Variants in PHF11 observed in about 807,000 individuals in gnomAD.
The protein encoded by PHF11 is PHD finger protein 11, also known as BRCA1 C-terminus-associated protein.
A neutral mutation model predicts 40.5 loss-of-function variants in PHF11; 38 were observed. The ratio of observed to expected loss-of-function variants is 0.94; its 90% CI spans 0.72 to 1.23. PHF11 has a LOEUF of 1.23. PHF11 is among the 50% of genes most tolerant of loss of function. The probability of loss-of-function intolerance (pLI) is 0.00; values close to 1 mark genes in which losing one functional copy is unlikely to be tolerated. For synonymous variants in PHF11, 127 were observed against 138.2 expected, an observed-to-expected ratio of 0.92 and a Z score of 0.57; for missense variants, 369 against 392.4, an observed-to-expected ratio of 0.94 and a Z score of 0.50.
chr13:49,521,933 T>C (rs747474055), intron 5 of PHF11, 110 bp from the exon 6 acceptor site: 6 of 551,676 alleles, frequency 1.1e-5, no homozygotes, highest in Non-Finnish European at 2.0e-5. Context: ...AAGTTTGCCA[T>C]ATCTTTTGAC....
chr13:49,496,028 C>A lies in PHF11; in HGVS notation c.27C>A (p.Pro9=). Residue 9 remains proline, a synonymous_variant, in exon 1 of 10, where the codon CCC becomes CCA. Coordinates refer to ENST00000378319, the MANE Select transcript of PHF11 (RefSeq NM_001040443.3). MAQASPPR[P]ERVLGASSPE... ...TGGCCCAGGCGTCGCCGCCCCGGCC[C>A]GAGAGGGTGCTCGGCGCCAGCAGCC... The A allele has an allele frequency of 6.9e-7, 1 of 1,457,762 alleles. No individual in the cohort carries two copies. Among genetic ancestry groups the A allele is most frequent in the Non-Finnish European group, 9.0e-7 (1 of 1,109,204 alleles). The allele number at this position is 1,457,762 out of a possible 1,614,324, so 90.3% of individuals were successfully genotyped here. A position where few individuals can be genotyped will look rare whatever the true frequency, so the allele number is the denominator to read the frequency against.
chr13:49,499,004 C>G (rs1254661084), intron 1 of PHF11, among the ~76,000 whole-genome samples: 1 of 152,222 alleles, frequency 6.6e-6, no homozygotes, highest in African/African-American at 2.4e-5. Flanking sequence ...ACCCCCAGAG[C>G]ATGGATACTT....
chr13:49,508,302 TA>T (rs1005845019), intron 2 of PHF11, among the ~76,000 whole-genome samples: 3 of 147,280 alleles, frequency 2.0e-5, no homozygotes, highest in Non-Finnish European at 3.0e-5. Context: ...TAAATATAAA[TA>T]ATATGCATTT....
chr13:49,522,088 T>A lies in PHF11; in HGVS notation c.551T>A (p.Leu184His), dbSNP rs141464329. 11 of 1,555,710 alleles carry A rather than the reference T, an allele frequency of 7.1e-6. No homozygotes were observed. In the African/African-American group the frequency reaches 1.5e-4, roughly 21 times the overall value. Residue 184 changes from leucine to histidine, a missense_variant, in exon 6 of 10, where the codon CTC (leucine) becomes CAC (histidine). By Grantham distance (99) the Leu-to-His change is moderately conservative (BLOSUM62 -3). Transcript: ENST00000378319. ...VKRKRGRKKP[L>H]SGNHVQPPET... is the part of the protein sequence containing the mutation. ...AGAAAAAGAGGAAGGAAGAAACCCC[T>A]CTCAGGCAATCATGTACAGGTAATT...
intron 1 of PHF11, among the ~76,000 whole-genome samples, chr13:49,496,822 G>C (rs1445620894): frequency 7.2e-6 from 1 of 138,574 alleles, no homozygotes; most frequent in African/African-American, 2.7e-5. Context: ...AGGATGGCTG[G>C]GCTTACCCTT....
chr13:49,501,908 C>T lies in PHF11; in HGVS notation c.95-4727C>T, dbSNP rs1469839947. Among the ~76,000 whole-genome samples, 10 of 152,220 alleles carry T rather than the reference C, an allele frequency of 6.6e-5. No individual in the cohort carries two copies. The East Asian group carries it at 2.0e-3, about 30-fold the overall frequency. On this transcript the variant is annotated intron_variant, in intron 1 of 9. Coordinates refer to ENST00000378319, the MANE Select transcript of PHF11 (RefSeq NM_001040443.3). ...GTTTCACCATGTTGGTCAGGCTGGT[C>T]TCGAACTCCTGACCTCAGGTGATCC...
intron 7 of PHF11, chr13:49,523,832 C>A: frequency 3.7e-6 from 1 of 273,452 alleles, no homozygotes; most frequent in Middle Eastern, 1.1e-3. Context: ...AAAAAAGCCT[C>A]TTAATTCATA....
chr13:49,524,088 C>A lies in PHF11; in HGVS notation c.641C>A (p.Ala214Glu). 1 of 1,604,416 alleles carries A rather than the reference C, an allele frequency of 6.2e-7. No homozygotes were observed. Among genetic ancestry groups the A allele is most frequent in the Non-Finnish European group, 8.5e-7 (1 of 1,175,366 alleles). ...VKEEHGRHTD[A>E]TVKVPFLKKC... ...CAAATGTTTGTCTTATTCTTAGATG[C>A]AACTGTGAAAGTTCCTTTTCTTAAG... Residue 214 changes from alanine to glutamate, a missense_variant, in exon 8 of 10, where the codon GCA (alanine) becomes GAA (glutamate). Physicochemically the swap from Ala to Glu is moderately radical, Grantham distance 107. Transcript: ENST00000378319.
chr13:49,509,935 G>A (rs1027081242), intron 2 of PHF11, among the ~76,000 whole-genome samples: 3 of 152,074 alleles, frequency 2.0e-5, no homozygotes, highest in South Asian at 2.1e-4. Context: ...CAATATAAAC[G>A]TCAAAATCAG....
chr13:49,518,127 C>G lies in PHF11; in HGVS notation c.434C>G (p.Ser145Cys). ...AAGAAGGACGACGCAGTTCCACAGTCTGATGGAGTTCGAGGAATTTATAAG... is the reference window on the plus strand; with the variant it reads ...AAGAAGGACGACGCAGTTCCACAGTGTGATGGAGTTCGAGGAATTTATAAG... ...CAKKDDAVPQSDGVRGIYKLL... is the reference protein window; with the variant it reads ...CAKKDDAVPQCDGVRGIYKLL... The change falls in exon 4 of 10, where the codon TCT (serine) becomes TGT (cysteine). Residue 145 changes from serine (S) to cysteine (C), a missense_variant. Transcript: ENST00000378319. 2 of 1,603,778 alleles carry G rather than the reference C, an allele frequency of 1.2e-6. No individual in the cohort carries two copies. The highest frequency in any genetic ancestry group is 2.7e-5 in the African/African-American group (2 of 74,700).
intron 1 of PHF11, among the ~76,000 whole-genome samples, chr13:49,503,086 C>A (rs1354061987): frequency 6.6e-6 from 1 of 152,188 alleles, no homozygotes; most frequent in Non-Finnish European, 1.5e-5. Flanking sequence ...TCCTCCTTGG[C>A]AGCCTTTCAA....
At chr13:49,521,982 G>T (rs1385720543) in intron 5 of PHF11, 61 bp from the exon 6 acceptor site, 13 of 810,116 alleles carry the variant, frequency 1.6e-5, no homozygotes, top group Non-Finnish European at 2.5e-5. Flanking sequence ...TATATTTCAT[G>T]TAGTCAAACA....
chr13:49,528,706 A>T lies in PHF11; in HGVS notation c.*41A>T, dbSNP rs555500735. On this transcript the variant is annotated 3_prime_UTR_variant, in exon 10 of 10. Coordinates refer to ENST00000378319, the MANE Select transcript of PHF11 (RefSeq NM_001040443.3). ...AAGCCAAGAGTCATGTCAAATTGCA[A>T]TCAGGCTCAAAACCAGAGACCAGGC... The T allele has an allele frequency of 6.8e-7, 1 of 1,471,548 alleles. No individual in the cohort carries two copies. Among genetic ancestry groups the T allele is most frequent in the Admixed American group, 2.0e-5 (1 of 49,824 alleles). 91.2% of individuals were successfully genotyped at this position (1,471,548 alleles called of 1,614,324 possible).
intron 1 of PHF11, chr13:49,497,034 T>C: frequency 8.2e-7 from 1 of 1,221,638 alleles, no homozygotes. Flanking sequence ...TTTCTCCATG[T>C]TTCATGGGCT....
Position 49,511,319 on chromosome 13 carries a change from T to C in PHF11, c.217-1740T>C, listed in dbSNP as rs544082096. Among the ~76,000 whole-genome samples, 4 of 139,684 alleles carry C rather than the reference T, an allele frequency of 2.9e-5. No individual in the cohort carries two copies. In the East Asian group the frequency reaches 8.7e-4, roughly 31 times the overall value. 91.6% of individuals were successfully genotyped at this position (139,684 alleles called of 152,430 possible). A position where few individuals can be genotyped will look rare whatever the true frequency, so the allele number is the denominator to read the frequency against. On this transcript the variant is annotated intron_variant, in intron 2 of 9. Coordinates refer to ENST00000378319, the MANE Select transcript of PHF11 (RefSeq NM_001040443.3). ...TAGGCCTTTCATAATTTCAAAATTG[T>C]TCAATGGCTTTTTTTTTTTTTTTTG...
At chr13:49,506,316 G>A (rs1958988230) in intron 1 of PHF11, among the ~76,000 whole-genome samples, 1 of 151,952 alleles carries the variant, frequency 6.6e-6, no homozygotes, top group African/African-American at 2.4e-5. Context: ...TTGAGGTTGG[G>A]AGTTCAAGGC....
rs1491587127 is a variant in PHF11, at chr13:49,501,017, G to GTTTTTTTTTTTTTTTTTT, written c.94+4933_94+4934insTTTTTTTTTTTTTTTTTT. ...CAACTTTTGTTTTTTTTTTTTTTTGGTTTTTTTTTTTCTGAAATGGAGTTT... is the reference window on the plus strand; with the variant it reads ...CAACTTTTGTTTTTTTTTTTTTTTGGTTTTTTTTTTTTTTTTTTTTTTTTTTTTTCTGAAATGGAGTTT... On this transcript the variant is annotated intron_variant, in intron 1 of 9. Coordinates refer to ENST00000378319, the MANE Select transcript of PHF11 (RefSeq NM_001040443.3). Among the ~76,000 whole-genome samples the GTTTTTTTTTTTTTTTTTT allele has an allele frequency of 2.8e-5, 3 of 108,826 alleles. 1 individual carries two copies. Among genetic ancestry groups the GTTTTTTTTTTTTTTTTTT allele is most frequent in the Admixed American group, 2.1e-4 (2 of 9,672 alleles). 71.4% of individuals were successfully genotyped at this position (108,826 alleles called of 152,430 possible). A position where few individuals can be genotyped will look rare whatever the true frequency, so the allele number is the denominator to read the frequency against.
chr13:49,499,260 TGA>T (rs1247739215), intron 1 of PHF11, among the ~76,000 whole-genome samples: 2 of 152,224 alleles, frequency 1.3e-5, no homozygotes, highest in African/African-American at 4.8e-5. Flanking sequence ...TCTGTATATC[TGA>T]GAGATGAGCA....
chr13:49,499,343 C>T lies in PHF11; in HGVS notation c.94+3248C>T, dbSNP rs9596121. On this transcript the variant is annotated intron_variant, in intron 1 of 9. Transcript: ENST00000378319. Reference sequence around the variant, plus strand: ...CATGCCTGCTGGGGGTCATTGTGTACGCATCATTGTGAGCTGAACAGATAC... The same window carrying T: ...CATGCCTGCTGGGGGTCATTGTGTATGCATCATTGTGAGCTGAACAGATAC... 1.7e-3 allele frequency among the ~76,000 whole-genome samples: 262 copies of T among 152,274 alleles called. 2 individuals are homozygous for T. Among genetic ancestry groups the T allele is most frequent in the African/African-American group, 6.0e-3 (250 of 41,550 alleles).
Sources: gnomAD v4.1 joint callset for allele counts (sites outside exome capture counted in the v4.1 genomes callset) on GRCh38, gnomAD v4.1.1 for gene constraint, MANE v1.5 for transcripts, NCBI Gene and HGNC (gene_info 2026-07-23, HGNC 2026-07-21) for gene names.